Variants in TMEM177 observed in about 807,000 individuals in gnomAD.
TMEM177 encodes transmembrane protein 177.
A neutral mutation model predicts 14.2 loss-of-function variants in TMEM177; 4 were observed. The observed-to-expected ratio is 0.28, with a 90% CI of 0.14 to 0.64. The LOEUF (loss-of-function observed/expected upper bound fraction) is 0.64, where lower values mean the gene tolerates loss of function less well. TMEM177 is among the 30% of genes least tolerant of loss of function. TMEM177 has a pLI of 0.82. For missense variants in TMEM177, 344 were observed against 405.2 expected (o/e 0.85, Z 1.30); for synonymous variants, 179 against 174.5 (o/e 1.03, Z -0.20).
At chr2:119,694,038 T>C in the TMEM177 span, among the ~76,000 whole-genome samples, 1 of 4,140 alleles carries the variant, frequency 2.4e-4, no homozygotes, top group Non-Finnish European at 4.6e-4. Context: ...ATATGACACA[T>C]ACCACACACA....
the TMEM177 span, among the ~76,000 whole-genome samples, chr2:119,693,904 AT>A: frequency 1.6e-4 from 1 of 6,100 alleles, no homozygotes; most frequent in African/African-American, 4.9e-4. Flanking sequence ...TACACCACAC[AT>A]CACATACACA....
chr2:119,694,221 A>T, the TMEM177 span, among the ~76,000 whole-genome samples: 1 of 151,410 alleles, frequency 6.6e-6, no homozygotes, highest in East Asian at 2.0e-4. Context: ...ACACAAACAC[A>T]TACCACATAC....
chr2:119,714,796 T>G, the TMEM177 span, among the ~76,000 whole-genome samples: 1 of 152,230 alleles, frequency 6.6e-6, no homozygotes, highest in Admixed American at 6.5e-5. Context: ...CCTGGGCTAC[T>G]GATCAGGGGT....
At chr2:119,684,804 G>T (rs977878238), downstream of TMEM177, among the ~76,000 whole-genome samples, 17 of 152,184 alleles carry the variant, frequency 1.1e-4, no homozygotes, top group African/African-American at 4.1e-4. Flanking sequence ...GTCACTTCCT[G>T]TAGGGCACAG....
the TMEM177 span, among the ~76,000 whole-genome samples, chr2:119,707,266 C>T: frequency 1.3e-5 from 2 of 152,186 alleles, no homozygotes; most frequent in Non-Finnish European, 2.9e-5. Flanking sequence ...AGAACTTGAT[C>T]ACGTGATCAT....
Position 119,679,485 on chromosome 2 carries a change from GA to G in TMEM177, c.-23+220del, listed in dbSNP as rs907751923. The G allele has an allele frequency of 8.4e-4, 122 of 145,076 alleles. 1 individual carries two copies. The highest frequency in any genetic ancestry group is 6.1e-3 in the South Asian group (28 of 4,590). The allele number at this position is 145,076 out of a possible 1,614,324, so 9.0% of individuals were successfully genotyped here. ...TTCTTAGCCTCACTTTCCGCATTGG[GA>G]AAAAAAAAAAGCCCGAATGATAATG... On this transcript the variant is annotated intron_variant, in intron 1 of 1. Coordinates refer to ENST00000272521, the MANE Select transcript of TMEM177 (RefSeq NM_030577.3).
At chr2:119,709,815 A>G in the TMEM177 span, among the ~76,000 whole-genome samples, 7 of 152,122 alleles carry the variant, frequency 4.6e-5, no homozygotes, top group Non-Finnish European at 1.0e-4. Context: ...ACTGAGCAAG[A>G]CTCCATCTCA....
the TMEM177 span, among the ~76,000 whole-genome samples, chr2:119,698,359 G>A: frequency 4.1e-4 from 62 of 152,202 alleles, 1 homozygote; most frequent in Non-Finnish European, 7.3e-4. Flanking sequence ...CTTTGGTTCT[G>A]AGACCGCTTC....
chr2:119,700,838 G>A, the TMEM177 span, among the ~76,000 whole-genome samples: 2 of 152,134 alleles, frequency 1.3e-5, no homozygotes, highest in African/African-American at 2.4e-5. Flanking sequence ...CAGCTGTCCC[G>A]GCCTCTTTCA....
chr2:119,685,488 G>A (rs1688998693), downstream of TMEM177, among the ~76,000 whole-genome samples: 1 of 151,526 alleles, frequency 6.6e-6, no homozygotes, highest in South Asian at 2.1e-4. Flanking sequence ...TCAATGCATG[G>A]GTCCTCACCC....
At chr2:119,686,726 A>C (rs1283198945), downstream of TMEM177, among the ~76,000 whole-genome samples, 1 of 151,322 alleles carries the variant, frequency 6.6e-6, no homozygotes, top group Admixed American at 6.6e-5. Flanking sequence ...CACCATGCCC[A>C]GCTAATTTTT....
chr2:119,715,972 T>C, the TMEM177 span, among the ~76,000 whole-genome samples: 2 of 152,134 alleles, frequency 1.3e-5, no homozygotes, highest in Admixed American at 1.3e-4. Flanking sequence ...AAAGACACAC[T>C]TTACCCACAC....
chr2:119,704,462 G>T, the TMEM177 span, among the ~76,000 whole-genome samples: 1 of 152,246 alleles, frequency 6.6e-6, no homozygotes, highest in South Asian at 2.1e-4. Flanking sequence ...GCTGGGCGTG[G>T]TAGCGCATGG....
At chr2:119,718,630 G>A in the TMEM177 span, among the ~76,000 whole-genome samples, 14 of 152,306 alleles carry the variant, frequency 9.2e-5, no homozygotes, top group East Asian at 1.9e-4. Flanking sequence ...GACTAGGTCC[G>A]CATCCAGTGT....
Position 119,682,012 on chromosome 2 carries a change from A to G in TMEM177, c.*223A>G, listed in dbSNP as rs1208987458. On this transcript the variant is annotated 3_prime_UTR_variant, in exon 2 of 2. Transcript: ENST00000272521. Reference sequence around the variant, plus strand: ...TGAGCCTTTGTTTCTTGAACTGTAAAGTGGAGATGATGTAAACCGCCTTGC... The same window carrying G: ...TGAGCCTTTGTTTCTTGAACTGTAAGGTGGAGATGATGTAAACCGCCTTGC... The G allele has an allele frequency of 1.9e-6, 1 of 536,344 alleles. No individual in the cohort carries two copies. The highest frequency in any genetic ancestry group is 3.4e-6 in the Non-Finnish European group (1 of 297,538). 33.2% of individuals were successfully genotyped at this position (536,344 alleles called of 1,614,324 possible).
the TMEM177 span, among the ~76,000 whole-genome samples, chr2:119,705,663 C>T: frequency 0.069 from 4,028 of 58,586 alleles, 90 homozygotes; most frequent in African/African-American, 0.14. Context: ...TGTATAAAAC[C>T]CCCTTTGCCA....
the TMEM177 span, among the ~76,000 whole-genome samples, chr2:119,723,545 C>T: frequency 6.6e-6 from 1 of 152,328 alleles, no homozygotes; most frequent in Non-Finnish European, 1.5e-5. Flanking sequence ...ATTAGCCAAA[C>T]ATCCAACGTG....
At chr2:119,710,790 T>G in the TMEM177 span, among the ~76,000 whole-genome samples, 2 of 151,964 alleles carry the variant, frequency 1.3e-5, no homozygotes, top group African/African-American at 4.8e-5. Flanking sequence ...TTTTGTATTT[T>G]TAGTAGAGAC....
At chr2:119,705,990 A>ATATAT in the TMEM177 span, among the ~76,000 whole-genome samples, 64 of 14,608 alleles carry the variant, frequency 4.4e-3, no homozygotes, top group South Asian at 0.075. Context: ...CTCTCTATAT[A>ATATAT]TATATATTAT....
Sources: allele counts gnomAD v4.1 joint callset (sites outside exome capture counted in the v4.1 genomes callset), GRCh38; gene constraint gnomAD v4.1.1; transcripts MANE v1.5; gene names NCBI Gene and HGNC (gene_info 2026-07-23, HGNC 2026-07-21).